PRKN: variants seen among roughly 807,000 people sequenced by gnomAD.
The protein encoded by PRKN is parkin RBR E3 ubiquitin protein ligase, also known as E3 ubiquitin-protein ligase parkin.
PRKN carries 56 observed loss-of-function variants against 59.5 expected under a neutral mutation model. That is an observed-to-expected ratio of 0.94 (90% confidence interval 0.76 to 1.18). The LOEUF (loss-of-function observed/expected upper bound fraction) is 1.18. Ranked by LOEUF, PRKN falls within the 50% of genes most tolerant of loss-of-function variation. PRKN has a pLI of 0.00. For missense variants in PRKN, 657 were observed against 596.4 expected, an observed-to-expected ratio of 1.10 and a Z score of -1.06; for synonymous variants, 250 against 222.1, an observed-to-expected ratio of 1.13 and a Z score of -1.12.
Position 162,623,056 on chromosome 6 carries a change from G to A in PRKN, c.7+104606C>T, listed in dbSNP as rs1339230740. Among the ~76,000 whole-genome samples the A allele has an allele frequency of 2.0e-5, 3 of 152,190 alleles. No homozygotes were observed. The East Asian group carries it at 5.8e-4, about 29-fold the overall frequency. On this transcript the variant is annotated intron_variant, in intron 1 of 11. Transcript: ENST00000366898. ...CTACCATATGAGAAAAGAGAATTAA[G>A]CTAGTGTGTTGAACCTGCTGACTTA...
intron 3 of PRKN, among the ~76,000 whole-genome samples, chr6:162,249,676 G>C (rs910789689): frequency 7.4e-6 from 1 of 135,880 alleles, no homozygotes; most frequent in Non-Finnish European, 1.6e-5. Flanking sequence ...AAAAATCTCA[G>C]GCAGAATTAA....
At chr6:162,168,951 G>A (rs546723355) in intron 4 of PRKN, among the ~76,000 whole-genome samples, 3 of 152,230 alleles carry the variant, frequency 2.0e-5, no homozygotes, top group South Asian at 2.1e-4. Context: ...GTTCTGATAC[G>A]TATTTCTGTT....
At chr6:162,367,528 C>A (rs923909767) in intron 2 of PRKN, among the ~76,000 whole-genome samples, 2 of 152,090 alleles carry the variant, frequency 1.3e-5, no homozygotes, top group African/African-American at 4.8e-5. Flanking sequence ...CCAATGAAAA[C>A]CCATGCTCAT....
Position 162,217,801 on chromosome 6 carries a change from T to C in PRKN, c.413-16549A>G, listed in dbSNP as rs112638991. 6.9e-3 allele frequency among the ~76,000 whole-genome samples: 1,049 copies of C among 152,300 alleles called. 7 individuals carry two copies. The highest frequency in any genetic ancestry group is 0.012 in the East Asian group (62 of 5,176). ...AAGGGAGACAAAAACACTATCATGGTATTGTTAAGGCTCCAGCTTGGGGTT... is the reference window on the plus strand; with the variant it reads ...AAGGGAGACAAAAACACTATCATGGCATTGTTAAGGCTCCAGCTTGGGGTT... On this transcript the variant is annotated intron_variant, in intron 3 of 11. Coordinates refer to ENST00000366898, the MANE Select transcript of PRKN (RefSeq NM_004562.3).
At chr6:162,095,049 T>C (rs185249050) in intron 4 of PRKN, among the ~76,000 whole-genome samples, 1 of 152,220 alleles carries the variant, frequency 6.6e-6, no homozygotes. Flanking sequence ...ACTGACACTA[T>C]GAAGAAAAAC....
At chr6:161,679,414 G>C (rs1470916168) in intron 7 of PRKN, among the ~76,000 whole-genome samples, 1 of 152,054 alleles carries the variant, frequency 6.6e-6, no homozygotes, top group Non-Finnish European at 1.5e-5. Context: ...GCGCGCCTCT[G>C]ACCCCTGAGC....
At chr6:162,018,818 T>C (rs1452605130) in intron 5 of PRKN, among the ~76,000 whole-genome samples, 2 of 152,316 alleles carry the variant, frequency 1.3e-5, no homozygotes, top group East Asian at 3.9e-4. Flanking sequence ...GAGATTACTA[T>C]GTAATGACTT....
intron 5 of PRKN, among the ~76,000 whole-genome samples, chr6:162,036,821 A>T (rs1783868784): frequency 6.6e-6 from 1 of 151,024 alleles, no homozygotes; most frequent in African/African-American, 2.4e-5. Context: ...TATAAGAAAT[A>T]ATTTCTTATA....
intron 1 of PRKN, among the ~76,000 whole-genome samples, chr6:162,512,575 C>G (rs556101273): frequency 1.3e-5 from 2 of 152,068 alleles, no homozygotes; most frequent in African/African-American, 4.8e-5. Context: ...ACCTAGTGTC[C>G]GTCATAGGTG....
At chr6:162,431,064 T>A (rs1789498045) in intron 2 of PRKN, among the ~76,000 whole-genome samples, 1 of 151,456 alleles carries the variant, frequency 6.6e-6, no homozygotes, top group Admixed American at 6.6e-5. Context: ...GTTGGTCCCT[T>A]AAAAAAAACA....
intron 1 of PRKN, among the ~76,000 whole-genome samples, chr6:162,609,316 TGAA>T (rs1401145046): frequency 6.6e-6 from 1 of 152,182 alleles, no homozygotes; most frequent in African/African-American, 2.4e-5. Flanking sequence ...ACTGCAGACC[TGAA>T]GAAGTAACCC....
At chr6:161,842,411 G>A (rs1793024101) in intron 6 of PRKN, among the ~76,000 whole-genome samples, 1 of 150,642 alleles carries the variant, frequency 6.6e-6, no homozygotes. Flanking sequence ...GGCAAAGGTT[G>A]CAGTGAGTGG....
At chr6:162,019,135 A>G (rs1783037015) in intron 5 of PRKN, among the ~76,000 whole-genome samples, 2 of 152,234 alleles carry the variant, frequency 1.3e-5, no homozygotes, top group Admixed American at 1.3e-4. Context: ...TAGGGCTAAA[A>G]TTCTATAATC....
chr6:161,686,089 AAAAAG>A (rs1785542821), intron 7 of PRKN, among the ~76,000 whole-genome samples: 1 of 152,180 alleles, frequency 6.6e-6, no homozygotes, highest in East Asian at 1.9e-4. Flanking sequence ...AAAAAAAAAA[AAAAAG>A]AGTGGGTAAA....
intron 5 of PRKN, among the ~76,000 whole-genome samples, chr6:161,984,639 A>AT (rs553090407): frequency 1.3e-3 from 196 of 152,096 alleles, no homozygotes; most frequent in African/African-American, 4.4e-3. Context: ...CAAAACAAGG[A>AT]TTTTCCTTTA....
In PRKN at chr6:161,458,276, G is replaced by C. The variant is rs187261064; in HGVS notation, c.1084-71399C>G. On this transcript the variant is annotated intron_variant, in intron 9 of 11. Transcript: ENST00000366898. The surrounding 1 kb of genome is among the most constrained non-coding windows in gnomAD (Gnocchi z 6.1). ...AAACGTGTTGTCATTCTTTAATCAT[G>C]ATCATTATTGGAGAATATGATTGAA... Among the ~76,000 whole-genome samples, 1 of 152,186 alleles carries C rather than the reference G, an allele frequency of 6.6e-6. No individual in the cohort carries two copies. The highest frequency in any genetic ancestry group is 1.9e-4 in the East Asian group (1 of 5,178).
intron 9 of PRKN, among the ~76,000 whole-genome samples, chr6:161,507,479 T>A (rs1471841353): frequency 2.6e-5 from 4 of 152,144 alleles, no homozygotes; most frequent in Admixed American, 6.5e-5. Context: ...AAGGTGGCTA[T>A]GGGGTGGGGA....
At chr6:162,012,889 T>TC in intron 5 of PRKN, among the ~76,000 whole-genome samples, 1 of 152,322 alleles carries the variant, frequency 6.6e-6, no homozygotes, top group South Asian at 2.1e-4. Flanking sequence ...TCCCAATATT[T>TC]CAGCTTTGAT....
At chr6:161,957,075 A>T (rs938988036) in intron 6 of PRKN, among the ~76,000 whole-genome samples, 1 of 152,218 alleles carries the variant, frequency 6.6e-6, no homozygotes, top group African/African-American at 2.4e-5. Context: ...CAGCTGCCCA[A>T]TACAGAATGG....
Sources: gnomAD v4.1 joint callset for allele counts (sites outside exome capture counted in the v4.1 genomes callset) on GRCh38, gnomAD v4.1.1 for gene constraint, Gnocchi (gnomAD v3.1) non-coding constraint, MANE v1.5 for transcripts, NCBI Gene and HGNC (gene_info 2026-07-23, HGNC 2026-07-21) for gene names.